The following KSR2 variants were observed in gnomAD, a reference collection of about 807,000 sequenced individuals.
The protein encoded by KSR2 is kinase suppressor of ras 2.
KSR2 carries 25 observed loss-of-function variants against 107.8 expected under a neutral mutation model. The ratio of observed to expected loss-of-function variants is 0.23; its 90% CI spans 0.17 to 0.32. KSR2 has a LOEUF of 0.32. KSR2 is among the 10% of genes least tolerant of loss of function. The pLI, the probability that KSR2 is intolerant of heterozygous loss-of-function variation, is 1.00. For synonymous variants in KSR2, 480 were observed against 507.0 expected (o/e 0.95, Z 0.71); for missense variants, 887 against 1,268.9 (o/e 0.70, Z 4.57).
chr12:117,844,442 A>G (rs2137176496), intron 3 of KSR2, among the ~76,000 whole-genome samples: 1 of 151,210 alleles, frequency 6.6e-6, no homozygotes, highest in East Asian at 2.0e-4. Context: ...AGAAAAAAAA[A>G]CAACTTGCTG....
chr12:117,913,424 C>T (rs1895084394), intron 1 of KSR2, among the ~76,000 whole-genome samples: 1 of 152,106 alleles, frequency 6.6e-6, no homozygotes, highest in African/African-American at 2.4e-5. Flanking sequence ...ACCATCTCCC[C>T]CAAATTTATG....
chr12:117,757,891 C>G (rs529655640), intron 4 of KSR2, among the ~76,000 whole-genome samples: 2 of 152,172 alleles, frequency 1.3e-5, no homozygotes, highest in Non-Finnish European at 2.9e-5. Flanking sequence ...TCGTGGTGGT[C>G]TGGAACCAAA....
intron 5 of KSR2, among the ~76,000 whole-genome samples, chr12:117,657,610 C>T (rs1442528779): frequency 6.6e-6 from 1 of 152,096 alleles, no homozygotes; most frequent in Non-Finnish European, 1.5e-5. Flanking sequence ...TCCATAAATC[C>T]AAAGACTGCA....
chr12:117,787,713 C>T (rs4767616), intron 3 of KSR2, among the ~76,000 whole-genome samples: 84,175 of 152,016 alleles, frequency 0.55, 24,818 homozygotes, highest in African/African-American at 0.75. Flanking sequence ...AAGTAAACCA[C>T]GTGGCTAGGC....
At chr12:117,868,465 G>T (rs964515896) in intron 1 of KSR2, among the ~76,000 whole-genome samples, 1 of 151,370 alleles carries the variant, frequency 6.6e-6, no homozygotes, top group Admixed American at 6.6e-5. Flanking sequence ...AAAAATAAAA[G>T]TACCGTTACT....
intron 4 of KSR2, among the ~76,000 whole-genome samples, chr12:117,753,724 G>A (rs144331941): frequency 1.4e-3 from 215 of 151,866 alleles, no homozygotes; most frequent in Non-Finnish European, 2.6e-3. Flanking sequence ...CTAGGCACCT[G>A]GGTGATGAAA....
chr12:117,636,276 C>T (rs1430678424), intron 5 of KSR2, among the ~76,000 whole-genome samples: 1 of 151,906 alleles, frequency 6.6e-6, no homozygotes, highest in African/African-American at 2.4e-5. Context: ...GAAATATCTG[C>T]ACTCCCGTGT....
At chr12:117,652,013 A>G (rs1425751446) in intron 5 of KSR2, among the ~76,000 whole-genome samples, 1 of 152,228 alleles carries the variant, frequency 6.6e-6, no homozygotes, top group African/African-American at 2.4e-5. Context: ...CAGCAAAGGC[A>G]AAGTGGCAAT....
intron 4 of KSR2, among the ~76,000 whole-genome samples, chr12:117,693,843 C>A (rs1885935442): frequency 6.6e-6 from 1 of 152,186 alleles, no homozygotes; most frequent in East Asian, 1.9e-4. Context: ...AAGTTGTCTG[C>A]CCACTGAGCA....
chr12:117,657,320 C>A (rs922747742), intron 5 of KSR2, among the ~76,000 whole-genome samples: 1 of 152,062 alleles, frequency 6.6e-6, no homozygotes, highest in Admixed American at 6.6e-5. Context: ...GAGATAGAGA[C>A]TAAGTCACAA....
chr12:117,490,356 A>G (rs547833471), intron 14 of KSR2, among the ~76,000 whole-genome samples: 3 of 152,344 alleles, frequency 2.0e-5, no homozygotes, highest in African/African-American at 7.2e-5. Flanking sequence ...GGCACAGCAG[A>G]AACAATACAG....
chr12:117,477,825 C>T (rs1003213365), intron 16 of KSR2, among the ~76,000 whole-genome samples: 2 of 152,212 alleles, frequency 1.3e-5, no homozygotes, highest in African/African-American at 2.4e-5. Context: ...TTCCCTCTTC[C>T]GCCATTATGA....
At chr12:117,900,359 C>A (rs1894643980) in intron 1 of KSR2, among the ~76,000 whole-genome samples, 1 of 152,102 alleles carries the variant, frequency 6.6e-6, no homozygotes, top group African/African-American at 2.4e-5. Context: ...GGAACAGACC[C>A]TATAAGAAAG....
Position 117,761,364 on chromosome 12 carries a change from G to A in KSR2, c.633C>T (p.His211=). The part of the protein sequence containing the change: ...VPSKCVQHYC[H]TSPTPGAPVY... ...CAGGGGCCCCGGGAGTGGGGCTGGTGTGACAATAGTGCTGGACGCACTTGG... is the reference window on the plus strand; with the variant it reads ...CAGGGGCCCCGGGAGTGGGGCTGGTATGACAATAGTGCTGGACGCACTTGG... Residue 211 remains histidine (H), a synonymous_variant, in exon 4 of 20, where the codon CAC becomes CAT. Transcript: ENST00000339824. 1.9e-6 allele frequency: 3 copies of A among 1,594,634 alleles called. No individual in the cohort carries two copies. Among genetic ancestry groups the A allele is most frequent in the Non-Finnish European group, 2.6e-6 (3 of 1,173,638 alleles).
intron 7 of KSR2, among the ~76,000 whole-genome samples, chr12:117,573,588 T>C (rs1879049361): frequency 6.8e-6 from 1 of 147,966 alleles, no homozygotes. Context: ...AGTGCAGTAG[T>C]GCAATGTTGG....
At chr12:117,691,904 T>G (rs1475358410) in intron 4 of KSR2, among the ~76,000 whole-genome samples, 1 of 152,208 alleles carries the variant, frequency 6.6e-6, no homozygotes, top group Non-Finnish European at 1.5e-5. Flanking sequence ...TGATAGAGGA[T>G]TCCCCATTTT....
At chr12:117,539,577 T>C in intron 10 of KSR2, 142 bp downstream of exon 10, 1 of 732,626 alleles carries the variant, frequency 1.4e-6, no homozygotes, top group Non-Finnish European at 2.1e-6. Context: ...GTCCACATAC[T>C]TCCTTGCCCC....
chr12:117,852,796 G>GT (rs1276921548), intron 3 of KSR2, among the ~76,000 whole-genome samples: 30 of 152,078 alleles, frequency 2.0e-4, no homozygotes, highest in African/African-American at 6.8e-4. Flanking sequence ...TAAAATATGG[G>GT]TTTTTTGTTG....
chr12:117,742,528 A>ATGGG (rs1555234079), intron 4 of KSR2, among the ~76,000 whole-genome samples: 3 of 66,812 alleles, frequency 4.5e-5, no homozygotes, highest in Non-Finnish European at 1.1e-4. Context: ...GGATGGATGG[A>ATGGG]TGGGTGGATG....
Sources: gnomAD v4.1 joint callset for allele counts (sites outside exome capture counted in the v4.1 genomes callset) on GRCh38, gnomAD v4.1.1 for gene constraint, MANE v1.5 for transcripts, NCBI Gene and HGNC (gene_info 2026-07-23, HGNC 2026-07-21) for gene names.